The following TANC1 variants were observed in gnomAD, a reference collection of about 807,000 sequenced individuals.
The protein encoded by TANC1 is tetratricopeptide repeat, ankyrin repeat and coiled-coil containing 1.
TANC1 carries 77 observed loss-of-function variants against 149.7 expected under a neutral mutation model. The ratio of observed to expected loss-of-function variants is 0.51; its 90% CI spans 0.43 to 0.62. The LOEUF is 0.62. TANC1 is among the 20% of genes least tolerant of loss of function. The pLI is 0.00. For missense variants in TANC1, 1,985 were observed against 2,321.8 expected (o/e 0.85, Z 2.98); for synonymous variants, 854 against 925.0 (o/e 0.92, Z 1.39).
chr2:159,021,719 T>C (rs1458557784), intron 2 of TANC1, among the ~76,000 whole-genome samples: 5 of 152,198 alleles, frequency 3.3e-5, no homozygotes, highest in Non-Finnish European at 7.4e-5. Flanking sequence ...TTTAACAGAA[T>C]ACAACTGAAA....
intron 14 of TANC1, among the ~76,000 whole-genome samples, chr2:159,183,360 G>T (rs1221468022): frequency 6.6e-6 from 1 of 152,220 alleles, no homozygotes; most frequent in Non-Finnish European, 1.5e-5. Context: ...GGGTCGGCAG[G>T]TTGGAGGAGA....
At chr2:159,145,935 T>C (rs2052033924) in intron 5 of TANC1, among the ~76,000 whole-genome samples, 1 of 152,234 alleles carries the variant, frequency 6.6e-6, no homozygotes, top group Non-Finnish European at 1.5e-5. Flanking sequence ...TATTGGGTAA[T>C]GTACACCCAT....
chr2:159,069,872 A>G (rs2042996475), intron 3 of TANC1, among the ~76,000 whole-genome samples: 1 of 149,244 alleles, frequency 6.7e-6, no homozygotes. Flanking sequence ...AGGCTCAAGT[A>G]ATTCTCCCAC....
intron 4 of TANC1, among the ~76,000 whole-genome samples, chr2:159,108,924 G>A (rs991326240): frequency 1.3e-5 from 2 of 152,160 alleles, no homozygotes; most frequent in African/African-American, 2.4e-5. Context: ...GGGGCCTATC[G>A]AGATAGTTAA....
chr2:159,229,165 A>G (rs1203879428), intron 26 of TANC1, among the ~76,000 whole-genome samples: 1 of 151,894 alleles, frequency 6.6e-6, no homozygotes, highest in African/African-American at 2.4e-5. Flanking sequence ...TGAACTTCCT[A>G]CCTAGTTTAG....
At chr2:159,190,442 G>A (rs1024546933) in intron 16 of TANC1, among the ~76,000 whole-genome samples, 8 of 152,142 alleles carry the variant, frequency 5.3e-5, no homozygotes, top group Admixed American at 1.3e-4. Flanking sequence ...GCTGAGGACT[G>A]GTTTCATTGG....
chr2:159,007,142 T>G (rs915448330), intron 2 of TANC1, among the ~76,000 whole-genome samples: 3 of 142,590 alleles, frequency 2.1e-5, no homozygotes, highest in African/African-American at 7.8e-5. Flanking sequence ...AATACTGTTT[T>G]TTTTTTTTTT....
chr2:159,111,207 T>G (rs1459963271), intron 4 of TANC1, among the ~76,000 whole-genome samples: 1 of 152,216 alleles, frequency 6.6e-6, no homozygotes, highest in Non-Finnish European at 1.5e-5. Flanking sequence ...GAAGCTGCCA[T>G]GTGCACACTA....
intron 2 of TANC1, chr2:159,056,222 A>G (rs2041839659): frequency 4.3e-6 from 1 of 232,820 alleles, no homozygotes; most frequent in African/African-American, 2.3e-5. Context: ...AACCATGAGA[A>G]TTTCTCCCAG....
In TANC1 at chr2:159,217,572, G is replaced by A. The variant is rs751944923; in HGVS notation, c.3320G>A (p.Arg1107Gln). 1.2e-4 allele frequency: 190 copies of A among 1,614,102 alleles called. No homozygotes were observed. The highest frequency in any genetic ancestry group is 1.5e-4 in the Non-Finnish European group (178 of 1,180,044). Residue 1107 changes from arginine to glutamine, a missense_variant, in exon 20 of 27, where the codon CGG becomes CAG. Physicochemically the swap from Arg to Gln is conservative, Grantham distance 43. This residue lies in a region of TANC1 where 920 missense variants were observed against 994.7 expected (regional missense o/e 0.92). Coordinates refer to ENST00000263635, the MANE Select transcript of TANC1 (RefSeq NM_033394.3). The stretch of plus-strand genomic sequence containing the variant: ...CTGGGGCATGGAGCTGCTGTGTCGC[G>A]GACAAACAGGAGAGGGGTTCCACCT... ...LLLGHGAAVS[R>Q]TNRRGVPPLF...
intron 2 of TANC1, among the ~76,000 whole-genome samples, chr2:159,033,640 A>G (rs930760054): frequency 1.3e-5 from 2 of 152,210 alleles, no homozygotes; most frequent in African/African-American, 4.8e-5. Context: ...CCTCTATTAC[A>G]GAAGAGCAGG....
chr2:159,102,242 A>G (rs264641), intron 4 of TANC1, among the ~76,000 whole-genome samples: 142,947 of 152,224 alleles, frequency 0.94, 67,462 homozygotes, highest in East Asian at 1. Context: ...CTGAGACCAC[A>G]TTATGTAACC....
intron 2 of TANC1, among the ~76,000 whole-genome samples, chr2:159,024,764 A>T (rs574990129): frequency 6.9e-4 from 105 of 152,196 alleles, no homozygotes; most frequent in Middle Eastern, 3.4e-3. Context: ...AAAAAAAAAA[A>T]ATCTTTTAGA....
intron 10 of TANC1, among the ~76,000 whole-genome samples, chr2:159,171,871 A>AAAAAAGAAAAG (rs70994272): frequency 5.7e-5 from 6 of 105,604 alleles, no homozygotes; most frequent in African/African-American, 2.0e-4. Flanking sequence ...AAAAAAAAAA[A>AAAAAAGAAAAG]AAAAGAAAAA....
intron 2 of TANC1, among the ~76,000 whole-genome samples, chr2:159,059,240 T>C (rs1350137616): frequency 1.3e-5 from 2 of 152,230 alleles, no homozygotes; most frequent in African/African-American, 4.8e-5. Flanking sequence ...CTGTACTTCA[T>C]GCCTATAATC....
chr2:159,025,969 C>T lies in TANC1; in HGVS notation c.-16+24780C>T, dbSNP rs529645176. On this transcript the variant is annotated intron_variant, in intron 2 of 26. Transcript: ENST00000263635. ...TTTTTTGTAGAGACAGGGTCTCACTCTATCGCCCAGGCTGGAGTGCAGTGG... is the reference window on the plus strand; with the variant it reads ...TTTTTTGTAGAGACAGGGTCTCACTTTATCGCCCAGGCTGGAGTGCAGTGG... Among the ~76,000 whole-genome samples, 19 of 152,322 alleles carry T rather than the reference C, an allele frequency of 1.2e-4. 1 individual carries two copies. The highest frequency in any genetic ancestry group is 1.0e-3 in the South Asian group (5 of 4,826).
At chr2:158,979,305 ATAGGAAGTC>A (rs1281976783) in intron 1 of TANC1, among the ~76,000 whole-genome samples, 1 of 152,060 alleles carries the variant, frequency 6.6e-6, no homozygotes, top group Non-Finnish European at 1.5e-5. Flanking sequence ...CCTGGGCAAC[ATAGGAAGTC>A]TCTGTCTCTA....
chr2:159,179,140 C>G lies in TANC1; in HGVS notation c.2487C>G (p.Asn829Lys). The change falls in exon 14 of 27, where the codon AAC (asparagine) becomes AAG (lysine). Residue 829 changes from asparagine (N) to lysine (K), a missense_variant. This residue lies in a region of TANC1 where 508 missense variants were observed against 714.2 expected (regional missense o/e 0.71). Transcript: ENST00000263635. ...TTGTATGGAGAGCAGACGGGGAAAA[C>G]ACGGCCTTCCTGTGTGAGCCCAGGT... ...EWLVWRADGE[N>K]TAFLCEPRNG... 3 of 1,612,342 alleles carry G rather than the reference C, an allele frequency of 1.9e-6. No homozygotes were observed. Among genetic ancestry groups the G allele is most frequent in the Non-Finnish European group, 2.5e-6 (3 of 1,179,286 alleles).
chr2:159,124,889 G>A (rs559256259), intron 4 of TANC1, among the ~76,000 whole-genome samples: 5 of 123,410 alleles, frequency 4.1e-5, no homozygotes, highest in African/African-American at 1.3e-4. Flanking sequence ...GTACAGGCAC[G>A]CACCACCATG....
Sources: allele counts gnomAD v4.1 joint callset (sites outside exome capture counted in the v4.1 genomes callset), GRCh38; gene constraint gnomAD v4.1.1; regional missense constraint gnomAD v4.1.1; transcripts MANE v1.5; gene names NCBI Gene and HGNC (gene_info 2026-07-23, HGNC 2026-07-21).